The following BSN variants were observed in gnomAD, a reference collection of about 807,000 sequenced individuals.
BSN encodes bassoon presynaptic cytomatrix protein, also known as protein bassoon.
In BSN, 57 loss-of-function variants were observed where a neutral mutation model predicts 264.8. The observed-to-expected ratio is 0.22, with a 90% CI of 0.17 to 0.27. The LOEUF (loss-of-function observed/expected upper bound fraction) is 0.27. Among genes scored for constraint, BSN ranks in the 10% least tolerant of loss-of-function variants. The pLI is 1.00. For missense variants in BSN, 4,615 were observed against 5,232.5 expected (o/e 0.88, Z 3.64); for synonymous variants, 2,059 against 2,137.3 (o/e 0.96, Z 1.01).
intron 1 of BSN, among the ~76,000 whole-genome samples, chr3:49,598,822 G>A (rs950603620): frequency 6.6e-6 from 1 of 152,148 alleles, no homozygotes; most frequent in Non-Finnish European, 1.5e-5. Context: ...TCTAGTCACT[G>A]CAATAAGGCA....
Position 49,671,031 on chromosome 3 carries a change from C to G in BSN, c.*3546C>G, listed in dbSNP as rs1258356663. The stretch of plus-strand genomic sequence containing the variant: ...AACTGAAACTCCTCGGAGATGCCAT[C>G]TCTGTCTCCCTGGGTGCCAGCAGCC... On this transcript the variant is annotated 3_prime_UTR_variant, in exon 12 of 12. Coordinates refer to ENST00000296452, the MANE Select transcript of BSN (RefSeq NM_003458.4). The surrounding 1 kb of genome is among the most constrained non-coding windows in gnomAD (Gnocchi z 4.1). The G allele has an allele frequency of 6.6e-6, 1 of 152,282 alleles. No individual in the cohort carries two copies. The highest frequency in any genetic ancestry group is 1.5e-5 in the Non-Finnish European group (1 of 68,082). 9.4% of individuals were successfully genotyped at this position (152,282 alleles called of 1,614,324 possible).
In BSN at chr3:49,652,024, T is replaced by C; in HGVS notation, c.2468T>C (p.Leu823Pro). 1.2e-6 allele frequency: 2 copies of C among 1,611,764 alleles called. No individual in the cohort carries two copies. Among genetic ancestry groups the C allele is most frequent in the Non-Finnish European group, 1.7e-6 (2 of 1,178,402 alleles). Residue 823 changes from leucine to proline, a missense_variant, in exon 5 of 12, where the codon CTG (leucine) becomes CCG (proline). This residue lies in a region of BSN where 1,197 missense variants were observed against 1,348.0 expected (regional missense o/e 0.89). Coordinates refer to ENST00000296452, the MANE Select transcript of BSN (RefSeq NM_003458.4). ...GTGGAGGACAGCAGTGAGGGTGGCC[T>C]GTCCCCTCTTCCACCCCAGCCCCCA... ...DYVEDSSEGG[L>P]SPLPPQPPAR...
In BSN at chr3:49,656,958, G is replaced by A. The variant is rs758228916; in HGVS notation, c.7402G>A (p.Glu2468Lys). Residue 2468 changes from glutamate (E) to lysine (K), a missense_variant, in exon 5 of 12, where the codon GAG becomes AAG. Glu to Lys is a moderately conservative substitution (Grantham distance 56). Around this residue, in one of 3 missense-constraint regions of BSN, gnomAD observed 3,415 missense variants for 3,866.4 expected, o/e 0.88. Coordinates refer to ENST00000296452, the MANE Select transcript of BSN (RefSeq NM_003458.4). Reference sequence around the variant, plus strand: ...GCAGCAGCTGCAGCAGCAGCTAGAGGAGCAGAAGCAGCGGCAGAAGGCTCC... The same window carrying A: ...GCAGCAGCTGCAGCAGCAGCTAGAGAAGCAGAAGCAGCGGCAGAAGGCTCC... The part of the protein sequence containing the change: ...LQQQLQQQLE[E>K]QKQRQKAPFP... 5 of 1,606,106 alleles carry A rather than the reference G, an allele frequency of 3.1e-6. No homozygotes were observed. In the Admixed American group the frequency reaches 6.7e-5, roughly 22 times the overall value.
In BSN at chr3:49,642,985, G is replaced by C. The variant is rs2052477256; in HGVS notation, c.1351G>C (p.Ala451Pro). ...GRAEHQAASK[A>P]AAKPKTMPKE... Reference sequence around the variant, plus strand: ...AGCAGAACATCAGGCAGCATCGAAGGCTGCTGCCAAGCCAAAGACCATGCC... The same window carrying C: ...AGCAGAACATCAGGCAGCATCGAAGCCTGCTGCCAAGCCAAAGACCATGCC... Residue 451 changes from alanine (A) to proline (P), a missense_variant, in exon 3 of 12, where the codon GCT (alanine) becomes CCT (proline). By Grantham distance (27) the Ala-to-Pro change is conservative (BLOSUM62 -1). Transcript: ENST00000296452. This position sits in a 1 kb window ranked among gnomAD's most constrained non-coding sequence, Gnocchi z 7.0. 1 of 1,614,040 alleles carries C rather than the reference G, an allele frequency of 6.2e-7. No homozygotes were observed. Among genetic ancestry groups the C allele is most frequent in the African/African-American group, 1.3e-5 (1 of 75,060 alleles).
intron 1 of BSN, among the ~76,000 whole-genome samples, chr3:49,608,072 C>T (rs1056274512): frequency 1.3e-5 from 2 of 152,294 alleles, no homozygotes; most frequent in South Asian, 2.1e-4. Flanking sequence ...TCTCTGCCAG[C>T]GGGAGGCAAT....
chr3:49,673,088 T>A (rs1440609463), downstream of BSN, among the ~76,000 whole-genome samples: 2 of 45,580 alleles, frequency 4.4e-5, no homozygotes, highest in Non-Finnish European at 8.0e-5. Context: ...CGGCCGGGAC[T>A]TTTTTTTTTT....
intron 1 of BSN, among the ~76,000 whole-genome samples, chr3:49,572,457 T>A (rs1452244638): frequency 6.6e-6 from 1 of 152,200 alleles, no homozygotes; most frequent in Non-Finnish European, 1.5e-5. Context: ...CAGAGTGGTA[T>A]CCTTTGGAAC....
rs772061633 is a variant in BSN, at chr3:49,662,403, C to T, written c.10558C>T (p.Pro3520Ser). 140 of 1,613,388 alleles carry T rather than the reference C, an allele frequency of 8.7e-5. 1 individual carries two copies. The Middle Eastern group carries it at 1.2e-3, about 13-fold the overall frequency. ...GGGGAGGCCCCGCCCTGCCGGAGGG[C>T]CCCTCCCTCCCGGCGGGGATACCTG... ...PLGRPRPAGG[P>S]LPPGGDTCPQ... The change falls in exon 6 of 12, where the codon CCC (proline) becomes TCC (serine). Residue 3520 changes from proline to serine, a missense_variant. This residue lies in a region of BSN where 3,415 missense variants were observed against 3,866.4 expected (regional missense o/e 0.88). Coordinates refer to ENST00000296452, the MANE Select transcript of BSN (RefSeq NM_003458.4).
intron 1 of BSN, among the ~76,000 whole-genome samples, chr3:49,602,502 A>G (rs901957546): frequency 1.3e-5 from 2 of 150,386 alleles, no homozygotes; most frequent in Non-Finnish European, 3.0e-5. Flanking sequence ...CTGGAGTGCA[A>G]TGACACTGTC....
rs540071649 is a variant in BSN, at chr3:49,641,931, G to A, written c.634-337G>A. Among the ~76,000 whole-genome samples, 7 of 152,154 alleles carry A rather than the reference G, an allele frequency of 4.6e-5. No individual in the cohort carries two copies. In the East Asian group the frequency reaches 5.8e-4, roughly 13 times the overall value. On this transcript the variant is annotated intron_variant, in intron 2 of 11. Transcript: ENST00000296452. ...CAGGGGAAGGCTACTGGGTTCATCCGAGCGGGAGGTTGGGGTGCACAGATC... is the reference window on the plus strand; with the variant it reads ...CAGGGGAAGGCTACTGGGTTCATCCAAGCGGGAGGTTGGGGTGCACAGATC...
rs770180129 is a variant in BSN, at chr3:49,652,334, T to C, written c.2778T>C (p.Gly926=). ...CCGATGGCAGTGGGACCCTGCAGGGTGGGCTCCGTCGCTTCAAGACCATTG... is the reference window on the plus strand; with the variant it reads ...CCGATGGCAGTGGGACCCTGCAGGGCGGGCTCCGTCGCTTCAAGACCATTG... ...EATDGSGTLQ[G]GLRRFKTIEL... Residue 926 remains glycine, a synonymous_variant, in exon 5 of 12, where the codon GGT becomes GGC. Coordinates refer to ENST00000296452, the MANE Select transcript of BSN (RefSeq NM_003458.4). 1 of 1,602,360 alleles carries C rather than the reference T, an allele frequency of 6.2e-7. No individual in the cohort carries two copies. The highest frequency in any genetic ancestry group is 8.5e-7 in the Non-Finnish European group (1 of 1,173,824).
At chr3:49,630,587 C>T (rs139068998) in intron 2 of BSN, among the ~76,000 whole-genome samples, 1,999 of 152,084 alleles carry the variant, frequency 0.013, 17 homozygotes, top group Non-Finnish European at 0.019. Flanking sequence ...CCACTGGGGC[C>T]GTGAGGAGAC....
chr3:49,591,434 A>T (rs1033749942), intron 1 of BSN, among the ~76,000 whole-genome samples: 3 of 152,170 alleles, frequency 2.0e-5, no homozygotes, highest in Non-Finnish European at 4.4e-5. Flanking sequence ...TGTGGATTCA[A>T]ATTATGGTAT....
chr3:49,598,747 C>T (rs866689911), intron 1 of BSN, among the ~76,000 whole-genome samples: 1 of 152,106 alleles, frequency 6.6e-6, no homozygotes, highest in African/African-American at 2.4e-5. Context: ...AATGCTTTCC[C>T]CATAAAACTG....
In BSN at chr3:49,642,420, C is replaced by T. The variant is rs1287442972; in HGVS notation, c.786C>T (p.Asp262=). 4 of 1,601,440 alleles carry T rather than the reference C, an allele frequency of 2.5e-6. No individual in the cohort carries two copies. Among genetic ancestry groups the T allele is most frequent in the Non-Finnish European group, 3.4e-6 (4 of 1,174,290 alleles). Residue 262 remains aspartate, a synonymous_variant, in exon 3 of 12, where the codon GAC becomes GAT. Transcript: ENST00000296452. This position sits in a 1 kb window ranked among gnomAD's most constrained non-coding sequence, Gnocchi z 7.0. ...CCAAACAGCCCCTGGGGAAGCCAGA[C>T]CAAGAGAGATCTCGGGGCCCAGGAG... ...SPAKQPLGKP[D]QERSRGPGGP... is the part of the protein sequence containing the mutation.
intron 3 of BSN, among the ~76,000 whole-genome samples, chr3:49,645,733 T>G (rs932077590): frequency 1.1e-4 from 17 of 152,222 alleles, no homozygotes; most frequent in African/African-American, 4.1e-4. Context: ...TCCTGAGCAA[T>G]TTTGTGCTTC....
intron 1 of BSN, among the ~76,000 whole-genome samples, chr3:49,556,387 A>T (rs1416114853): frequency 6.6e-6 from 1 of 152,176 alleles, no homozygotes; most frequent in Non-Finnish European, 1.5e-5. Flanking sequence ...TATTGCTCAT[A>T]TGCCTTTTTA....
intron 2 of BSN, among the ~76,000 whole-genome samples, chr3:49,641,187 G>A (rs1467232533): frequency 6.6e-6 from 1 of 152,194 alleles, no homozygotes; most frequent in African/African-American, 2.4e-5. Flanking sequence ...GGAAGTCCAA[G>A]GGTAGACTTG....
chr3:49,655,083 C>T lies in BSN; in HGVS notation c.5527C>T (p.Arg1843Trp), dbSNP rs779790842. Residue 1843 changes from arginine to tryptophan, a missense_variant, in exon 5 of 12, where the codon CGG becomes TGG. Arg to Trp is a moderately radical substitution (Grantham distance 101). Transcript: ENST00000296452. ...PVPEPGAEPHRATPAELRSHA... is the reference protein window; with the variant it reads ...PVPEPGAEPHWATPAELRSHA... The stretch of plus-strand genomic sequence containing the variant: ...GCCAGAGCCAGGTGCCGAGCCCCAC[C>T]GGGCCACCCCTGCAGAGCTGCGGTC... 4.6e-5 allele frequency: 74 copies of T among 1,612,798 alleles called. No individual in the cohort carries two copies. Among genetic ancestry groups the T allele is most frequent in the African/African-American group, 9.3e-5 (7 of 74,944 alleles).
Sources: allele counts gnomAD v4.1 joint callset (sites outside exome capture counted in the v4.1 genomes callset), GRCh38; gene constraint gnomAD v4.1.1; regional missense constraint gnomAD v4.1.1; non-coding constraint Gnocchi (gnomAD v3.1); transcripts MANE v1.5; gene names NCBI Gene and HGNC (gene_info 2026-07-23, HGNC 2026-07-21).